TUBGCP4: variants seen among roughly 807,000 people sequenced by gnomAD.
The protein encoded by TUBGCP4 is tubulin gamma complex component 4.
TUBGCP4 carries 54 observed loss-of-function variants against 91.6 expected under a neutral mutation model. The observed-to-expected ratio is 0.59, with a 90% CI of 0.47 to 0.74. TUBGCP4 has a LOEUF of 0.74. TUBGCP4 is among the 30% of genes least tolerant of loss of function. TUBGCP4 has a pLI of 0.00. For synonymous variants in TUBGCP4, 297 were observed against 302.8 expected, an observed-to-expected ratio of 0.98 and a Z score of 0.20; for missense variants, 593 against 800.9, an observed-to-expected ratio of 0.74 and a Z score of 3.13.
rs991841646 is a variant in TUBGCP4, at chr15:43,406,784, C to T, written c.*1570C>T. ...ACTTGTGCTTCCCATGTTTATCTTA[C>T]GGAAGGTCATTCCATCAAGCTTATG... On this transcript the variant is annotated 3_prime_UTR_variant, in exon 18 of 18. Coordinates refer to ENST00000564079, the MANE Select transcript of TUBGCP4 (RefSeq NM_014444.5). 16 of 351,416 alleles carry T rather than the reference C, an allele frequency of 4.6e-5. No individual in the cohort carries two copies. The highest frequency in any genetic ancestry group is 3.6e-5 in the Admixed American group (1 of 27,930). The allele number at this position is 351,416 out of a possible 1,614,324, so 21.8% of individuals were successfully genotyped here. A position where few individuals can be genotyped will look rare whatever the true frequency, so the allele number is the denominator to read the frequency against.
Position 43,371,253 on chromosome 15 carries a change from G to A in TUBGCP4, c.-102G>A. The A allele has an allele frequency of 8.2e-7, 1 of 1,225,048 alleles. No homozygotes were observed. The highest frequency in any genetic ancestry group is 2.5e-5 in the East Asian group (1 of 40,402). 75.9% of individuals were successfully genotyped at this position (1,225,048 alleles called of 1,614,324 possible). A position where few individuals can be genotyped will look rare whatever the true frequency, so the allele number is the denominator to read the frequency against. ...TTCGGCACAAACCGCCCGACCCAGG[G>A]GCCGGTGCGCGTGTGGAAGGGGAAG... On this transcript the variant is annotated 5_prime_UTR_variant, in exon 1 of 18. Coordinates refer to ENST00000564079, the MANE Select transcript of TUBGCP4 (RefSeq NM_014444.5).
At chr15:43,397,607 G>C (rs2044603426) in intron 12 of TUBGCP4, among the ~76,000 whole-genome samples, 1 of 152,220 alleles carries the variant, frequency 6.6e-6, no homozygotes, top group South Asian at 2.1e-4. Context: ...TAAGGCTGAG[G>C]AAAGAATCTC....
chr15:43,383,375 C>T lies in TUBGCP4; in HGVS notation c.594C>T (p.Asp198=), dbSNP rs752223414. Residue 198 remains aspartate (D), a synonymous_variant, in exon 7 of 18, where the codon GAC becomes GAT. Coordinates refer to ENST00000564079, the MANE Select transcript of TUBGCP4 (RefSeq NM_014444.5). ...GGATGCTCCATGGACTCCTCTTGGACCAGCATGAAGAATTCTTTATCAAAC... is the reference window on the plus strand; with the variant it reads ...GGATGCTCCATGGACTCCTCTTGGATCAGCATGAAGAATTCTTTATCAAAC... ...SAWMLHGLLL[D]QHEEFFIKQG... 9.9e-6 allele frequency: 16 copies of T among 1,614,116 alleles called. No individual in the cohort carries two copies. Among genetic ancestry groups the T allele is most frequent in the Non-Finnish European group, 1.3e-5 (15 of 1,180,018 alleles).
chr15:43,389,227 T>A (rs887759177), intron 9 of TUBGCP4, among the ~76,000 whole-genome samples: 3 of 152,226 alleles, frequency 2.0e-5, no homozygotes, highest in Admixed American at 6.5e-5. Flanking sequence ...TTTAATTATG[T>A]CTTTAGTTTT....
intron 14 of TUBGCP4, 32 bp downstream of exon 14, chr15:43,400,253 G>C (rs750315623): frequency 1.9e-6 from 3 of 1,594,908 alleles, no homozygotes; most frequent in Non-Finnish European, 2.6e-6. Flanking sequence ...GAAGGAAGGG[G>C]TACGGAAAAA....
At chr15:43,377,611 CAAAAAAAAA>C (rs60932318) in intron 4 of TUBGCP4, 11 of 259,670 alleles carry the variant, frequency 4.2e-5, no homozygotes, top group South Asian at 3.1e-4. Context: ...GACCCTGTCT[CAAAAAAAAA>C]AAAAAAAAGA....
chr15:43,380,427 C>G (rs1462633693), intron 6 of TUBGCP4, among the ~76,000 whole-genome samples: 1 of 152,162 alleles, frequency 6.6e-6, no homozygotes, highest in African/African-American at 2.4e-5. Context: ...TGTTTAGATC[C>G]TGTTATCCTT....
Position 43,371,346 on chromosome 15 carries a change from G to C in TUBGCP4, c.-9G>C, listed in dbSNP as rs1318259313. 2 of 1,613,550 alleles carry C rather than the reference G, an allele frequency of 1.2e-6. No homozygotes were observed. Among genetic ancestry groups the C allele is most frequent in the Non-Finnish European group, 1.7e-6 (2 of 1,179,788 alleles). On this transcript the variant is annotated 5_prime_UTR_variant, in exon 1 of 18. Coordinates refer to ENST00000564079, the MANE Select transcript of TUBGCP4 (RefSeq NM_014444.5). Reference sequence around the variant, plus strand: ...TGACATAACCAGGGACTCGAGGTCCGCCGTGGGAATGATCCACGAACTGCT... The same window carrying C: ...TGACATAACCAGGGACTCGAGGTCCCCCGTGGGAATGATCCACGAACTGCT...
At chr15:43,375,054 C>T (rs2044185216) in intron 1 of TUBGCP4, among the ~76,000 whole-genome samples, 1 of 152,228 alleles carries the variant, frequency 6.6e-6, no homozygotes, top group African/African-American at 2.4e-5. Flanking sequence ...AGGCGCCCAC[C>T]ACCACGCCTG....
At position 43,406,442 on chromosome 15, in the gene TUBGCP4, C is replaced by CTGCT. The variant is rs2044882588; in HGVS notation, c.*1229_*1232dup. On this transcript the variant is annotated 3_prime_UTR_variant, in exon 18 of 18. Transcript: ENST00000564079. ...GGAGCAGGAGCTGGCAAACTATGGCCTGCTGTCTGTTTTTGTACAGTTTTA... is the reference window on the plus strand; with the variant it reads ...GGAGCAGGAGCTGGCAAACTATGGCCTGCTTGCTGTCTGTTTTTGTACAGTTTTA... The CTGCT allele has an allele frequency of 2.9e-6, 1 of 350,824 alleles. No homozygotes were observed. Among genetic ancestry groups the CTGCT allele is most frequent in the Admixed American group, 3.4e-5 (1 of 29,040 alleles). 21.7% of individuals were successfully genotyped at this position (350,824 alleles called of 1,614,324 possible).
chr15:43,371,487 C>T, intron 1 of TUBGCP4, 55 bp downstream of exon 1: 1 of 1,576,618 alleles, frequency 6.3e-7, no homozygotes, highest in Non-Finnish European at 8.7e-7. Flanking sequence ...GGGACCTGAG[C>T]CAGCGCCTGG....
At chr15:43,392,445 A>C (rs1176350845) in intron 9 of TUBGCP4, among the ~76,000 whole-genome samples, 1 of 152,000 alleles carries the variant, frequency 6.6e-6, no homozygotes, top group Non-Finnish European at 1.5e-5. Flanking sequence ...TTTGGAATCT[A>C]TTGCAGGTTT....
intron 9 of TUBGCP4, among the ~76,000 whole-genome samples, chr15:43,390,795 C>T (rs901427598): frequency 2.0e-5 from 3 of 152,090 alleles, no homozygotes; most frequent in African/African-American, 7.2e-5. Flanking sequence ...AGGCGTGAGC[C>T]ACTGGGCCTG....
chr15:43,384,862 G>A (rs1411828784), intron 7 of TUBGCP4, among the ~76,000 whole-genome samples: 1 of 152,078 alleles, frequency 6.6e-6, no homozygotes, highest in African/African-American at 2.4e-5. Context: ...AGAGAGTGTT[G>A]GGGAGACTTA....
At position 43,401,841 on chromosome 15, in the gene TUBGCP4, A is replaced by G. The variant is rs760961453; in HGVS notation, c.1722A>G (p.Leu574=). The change falls in exon 15 of 18, where the codon CTA becomes CTG. Residue 574 remains leucine (L), a synonymous_variant. Coordinates refer to ENST00000564079, the MANE Select transcript of TUBGCP4 (RefSeq NM_014444.5). ...ATTTGCTGGCTCAATCCTTTATCCT[A>G]TTGAAACCTGTAAGTAAGGCTCATT... ...LSNLLAQSFI[L]LKPVFHCLNE... 9 of 1,614,066 alleles carry G rather than the reference A, an allele frequency of 5.6e-6. No individual in the cohort carries two copies. The highest frequency in any genetic ancestry group is 5.5e-5 in the South Asian group (5 of 91,076).
intron 1 of TUBGCP4, among the ~76,000 whole-genome samples, chr15:43,374,383 A>C (rs576262063): frequency 2.0e-5 from 3 of 152,274 alleles, no homozygotes; most frequent in South Asian, 4.1e-4. Context: ...GTGAGGCTGG[A>C]GGATCAGTTA....
Position 43,398,142 on chromosome 15 carries a change from C to G in TUBGCP4, c.1381C>G (p.Pro461Ala). The G allele has an allele frequency of 1.9e-6, 3 of 1,613,946 alleles. No individual in the cohort carries two copies. Among genetic ancestry groups the G allele is most frequent in the Non-Finnish European group, 2.5e-6 (3 of 1,179,890 alleles). The change falls in exon 13 of 18, where the codon CCA becomes GCA. Residue 461 changes from proline (P) to alanine (A), a missense_variant. Transcript: ENST00000564079. ...AGGTCTTTCCTACAAAGTACAGTGG[C>G]CACTACATATTCTCTTCACCCCAGC... ...ALGLSYKVQW[P>A]LHILFTPAVL...
At chr15:43,377,636 G>T in intron 4 of TUBGCP4, 44 of 413,502 alleles carry the variant, frequency 1.1e-4, no homozygotes, top group East Asian at 3.0e-4. Flanking sequence ...AAAGAAAAAA[G>T]AAAAAAAAGA....
At position 43,386,347 on chromosome 15, in the gene TUBGCP4, A is replaced by G. The variant is rs772515531; in HGVS notation, c.1014+17A>G. The G allele has an allele frequency of 3.1e-3, 82 of 26,564 alleles. 2 individuals carry two copies. In the South Asian group the frequency reaches 0.048, roughly 15 times the overall value. 1.6% of individuals were successfully genotyped at this position (26,564 alleles called of 1,614,324 possible). ...GTGGCTGAGGTTTGTGTTTCATCGT[A>G]TATATATATATATATATATATATAT... is the stretch of plus-strand genomic sequence containing the variant. On this transcript the variant is annotated intron_variant, in intron 9 of 17. Transcript: ENST00000564079.
Sources: gnomAD v4.1 joint callset for allele counts (sites outside exome capture counted in the v4.1 genomes callset) on GRCh38, gnomAD v4.1.1 for gene constraint, MANE v1.5 for transcripts, NCBI Gene and HGNC (gene_info 2026-07-23, HGNC 2026-07-21) for gene names.